Variants in PTPDC1 observed in about 807,000 individuals in gnomAD.
PTPDC1 encodes protein tyrosine phosphatase domain-containing protein 1.
PTPDC1 carries 53 observed loss-of-function variants against 75.3 expected under a neutral mutation model. That is an observed-to-expected ratio of 0.70 (90% CI 0.56 to 0.88). The LOEUF (loss-of-function observed/expected upper bound fraction) is 0.88, where lower values mean the gene tolerates loss of function less well. Among genes scored for constraint, PTPDC1 ranks in the 40% least tolerant of loss-of-function variants. PTPDC1 has a pLI of 0.00. For missense variants in PTPDC1, 925 were observed against 998.6 expected (o/e 0.93, Z 0.99); for synonymous variants, 349 against 366.2 (o/e 0.95, Z 0.54).
intron 6 of PTPDC1, chr9:94,100,807 A>G (rs1039725953): frequency 5.3e-5 from 8 of 152,254 alleles, no homozygotes; most frequent in Non-Finnish European, 7.3e-5. Context: ...TCACTAAAAC[A>G]TAAATCTGAA....
intron 1 of PTPDC1, among the ~76,000 whole-genome samples, chr9:94,049,434 G>T (rs1197913020): frequency 6.6e-6 from 1 of 152,114 alleles, no homozygotes; most frequent in Non-Finnish European, 1.5e-5. Context: ...CTGAGCATTT[G>T]CTTGTCTGTA....
At chr9:94,103,560 G>A (rs1827918210) in intron 7 of PTPDC1, among the ~76,000 whole-genome samples, 1 of 151,886 alleles carries the variant, frequency 6.6e-6, no homozygotes. Context: ...AGGCGTCATT[G>A]TAATGATAAT....
At chr9:94,077,177 A>T (rs757636297) in intron 2 of PTPDC1, among the ~76,000 whole-genome samples, 18 of 152,258 alleles carry the variant, frequency 1.2e-4, no homozygotes, top group Admixed American at 3.3e-4. Context: ...GCACTTGAGA[A>T]TACAGAATAA....
intron 8 of PTPDC1, among the ~76,000 whole-genome samples, chr9:94,105,666 CAAAAA>C (rs35654588): frequency 2.8e-5 from 3 of 107,922 alleles, no homozygotes; most frequent in African/African-American, 3.6e-5. Flanking sequence ...GACTCTGTCT[CAAAAA>C]AAAAAAAAAA....
intron 8 of PTPDC1, among the ~76,000 whole-genome samples, chr9:94,105,554 G>C (rs1255854663): frequency 6.6e-6 from 1 of 151,744 alleles, no homozygotes; most frequent in Non-Finnish European, 1.5e-5. Context: ...TGCAGTCCCA[G>C]CTACTCAGGA....
At chr9:94,100,561 C>T (rs887649015) in intron 6 of PTPDC1, 8 of 152,148 alleles carry the variant, frequency 5.3e-5, no homozygotes, top group Admixed American at 2.0e-4. Flanking sequence ...TATGAACACC[C>T]CCTTTGCCAT....
exon 1 of PTPDC1, chr9:94,030,884 T>G (rs1361661947): frequency 6.6e-6 from 1 of 152,116 alleles, no homozygotes; most frequent in Admixed American, 6.5e-5. Flanking sequence ...CCCAGGACGT[T>G]GTCCGGCGGG....
At chr9:94,096,133 C>A (rs2118053151) in intron 5 of PTPDC1, among the ~76,000 whole-genome samples, 1 of 152,274 alleles carries the variant, frequency 6.6e-6, no homozygotes, top group South Asian at 2.1e-4. Context: ...GATATTGGGG[C>A]AAAAATGAAG....
At chr9:94,033,062 A>G (rs1385895207) in intron 1 of PTPDC1, among the ~76,000 whole-genome samples, 2 of 151,784 alleles carry the variant, frequency 1.3e-5, no homozygotes, top group African/African-American at 4.8e-5. Context: ...GAGTTTCGCC[A>G]TGTTCCCCAG....
chr9:94,101,569 G>C lies in PTPDC1; in HGVS notation c.2017G>C (p.Glu673Gln). 6.2e-7 allele frequency: 1 copy of C among 1,611,452 alleles called. No homozygotes were observed. Among genetic ancestry groups the C allele is most frequent in the East Asian group, 2.2e-5 (1 of 44,846 alleles). Residue 673 changes from glutamate to glutamine, a missense_variant, in exon 7 of 9, where the codon GAG (glutamate) becomes CAG (glutamine). Physicochemically the swap from Glu to Gln is conservative, Grantham distance 29. Transcript: ENST00000620992. ...LKRKVEMWQK[E>Q]LNSRDGAWER... ...GTCTCTTTCTCTTCCTTTTTAGAAA[G>C]AGCTTAATTCCCGAGATGGAGCTTG...
At chr9:94,052,253 A>G (rs1825814152) in intron 1 of PTPDC1, among the ~76,000 whole-genome samples, 1 of 152,060 alleles carries the variant, frequency 6.6e-6, no homozygotes, top group Admixed American at 6.5e-5. Context: ...TGTGTTGGGT[A>G]TTTTTCAAAT....
intron 1 of PTPDC1, among the ~76,000 whole-genome samples, chr9:94,042,072 C>G (rs1015804325): frequency 1.3e-5 from 2 of 152,152 alleles, no homozygotes; most frequent in African/African-American, 4.8e-5. Context: ...TTTATTCTAA[C>G]CTTTCCTCCT....
intron 2 of PTPDC1, 60 bp from the exon 3 acceptor site, chr9:94,087,771 C>A (rs913839319): frequency 2.5e-6 from 3 of 1,210,684 alleles, no homozygotes; most frequent in Non-Finnish European, 3.7e-6. Flanking sequence ...TGGAACATCT[C>A]TTTGGACTGG....
At chr9:94,103,550 A>T (rs998137418) in intron 7 of PTPDC1, among the ~76,000 whole-genome samples, 1 of 152,132 alleles carries the variant, frequency 6.6e-6, no homozygotes, top group Non-Finnish European at 1.5e-5. Context: ...TTACTTTCAT[A>T]GGCGTCATTG....
At chr9:94,084,077 G>T (rs1826977994), upstream of PTPDC1, among the ~76,000 whole-genome samples, 1 of 152,188 alleles carries the variant, frequency 6.6e-6, no homozygotes, top group Admixed American at 6.5e-5. Context: ...CAAACGAGGA[G>T]TAGAAAGGTA....
chr9:94,098,470 A>G lies in PTPDC1; in HGVS notation c.1904A>G (p.Gln635Arg), dbSNP rs746190581. 2 of 1,614,194 alleles carry G rather than the reference A, an allele frequency of 1.2e-6. No individual in the cohort carries two copies. Among genetic ancestry groups the G allele is most frequent in the South Asian group, 1.1e-5 (1 of 91,088 alleles). Residue 635 changes from glutamine to arginine, a missense_variant, in exon 6 of 9, where the codon CAG (glutamine) becomes CGG (arginine). Gln to Arg is a conservative substitution (Grantham distance 43). Transcript: ENST00000620992. ...GAAGCAGCTTCACACTCTGCATTAC[A>G]GTCTGAATTGAGTGCTGAGGCAAGA... is the stretch of plus-strand genomic sequence containing the variant. The part of the protein sequence containing the change: ...LSEAASHSAL[Q>R]SELSAEARRI...
At chr9:94,105,408 G>A (rs1360768134) in intron 8 of PTPDC1, among the ~76,000 whole-genome samples, 2 of 152,226 alleles carry the variant, frequency 1.3e-5, no homozygotes, top group African/African-American at 2.4e-5. Context: ...GGTGGCTTAC[G>A]CCTGTGATCC....
At chr9:94,103,436 C>T (rs1331562777) in intron 7 of PTPDC1, among the ~76,000 whole-genome samples, 1 of 152,228 alleles carries the variant, frequency 6.6e-6, no homozygotes, top group African/African-American at 2.4e-5. Context: ...GCTCAGACCA[C>T]TTTGGCACAA....
At position 94,056,392 on chromosome 9, in the gene PTPDC1, A is replaced by C. The variant is rs542764851; in HGVS notation, c.-6-8342A>C. 3.9e-5 allele frequency among the ~76,000 whole-genome samples: 6 copies of C among 152,338 alleles called. No homozygotes were observed. The East Asian group carries it at 1.2e-3, about 29-fold the overall frequency. On this transcript the variant is annotated intron_variant, in intron 1 of 9. Transcript: ENST00000375360. ...TACGATTGCTGTCTAGAATCTAATC[A>C]CATTGACAATATTTATTTAAGTGTG...
Sources: allele counts gnomAD v4.1 joint callset (sites outside exome capture counted in the v4.1 genomes callset), GRCh38; gene constraint gnomAD v4.1.1; transcripts MANE v1.5; gene names NCBI Gene and HGNC (gene_info 2026-07-23, HGNC 2026-07-21).